The following RSF1 variants were observed in gnomAD, a reference collection of about 807,000 sequenced individuals.
RSF1 encodes the protein remodeling and spacing factor 1.
In RSF1, 13 loss-of-function variants were observed where a neutral mutation model predicts 145.2. That is an observed-to-expected ratio of 0.09 (90% CI 0.06 to 0.14). The LOEUF (loss-of-function observed/expected upper bound fraction) is 0.14. Ranked by LOEUF, RSF1 falls within the 10% of genes least tolerant of loss-of-function variation. RSF1 has a pLI of 1.00. For synonymous variants in RSF1, 577 were observed against 592.6 expected (o/e 0.97, Z 0.38); for missense variants, 1,517 against 1,718.2 (o/e 0.88, Z 2.07).
At chr11:77,698,718 G>A in intron 6 of RSF1, 25 bp from the exon 7 acceptor site, 5 of 1,574,212 alleles carry the variant, frequency 3.2e-6, no homozygotes, top group Non-Finnish European at 3.5e-6. Context: ...AAAAAATTGG[G>A]ATAATTTGAT....
chr11:77,798,371 C>T (rs12420092), intron 1 of RSF1, among the ~76,000 whole-genome samples: 26,773 of 151,282 alleles, frequency 0.18, 2,957 homozygotes, highest in African/African-American at 0.29. Context: ...GATCAACTGA[C>T]GTCAGGAGCT....
chr11:77,718,320 A>G (rs1960865146), intron 5 of RSF1: 1 of 152,196 alleles, frequency 6.6e-6, no homozygotes, highest in Non-Finnish European at 1.5e-5. Context: ...AAAAAAAGAA[A>G]AAAAAACAGT....
At chr11:77,733,136 A>C (rs564895890) in intron 4 of RSF1, among the ~76,000 whole-genome samples, 2 of 152,326 alleles carry the variant, frequency 1.3e-5, no homozygotes, top group South Asian at 4.1e-4. Flanking sequence ...TTAACATTTG[A>C]AGAAACTGCA....
chr11:77,860,400 A>C, the RSF1 span, among the ~76,000 whole-genome samples: 1 of 152,240 alleles, frequency 6.6e-6, no homozygotes, highest in Admixed American at 6.5e-5. Flanking sequence ...TGGGCTGGGT[A>C]CATTCCTCAC....
At chr11:77,719,025 T>C (rs954865030) in intron 5 of RSF1, among the ~76,000 whole-genome samples, 6 of 152,054 alleles carry the variant, frequency 3.9e-5, no homozygotes, top group African/African-American at 1.2e-4. Context: ...GGGGGGAGGA[T>C]TGCCTGAGGC....
intron 4 of RSF1, among the ~76,000 whole-genome samples, chr11:77,737,115 C>T (rs1961372722): frequency 6.6e-6 from 1 of 152,068 alleles, no homozygotes; most frequent in Non-Finnish European, 1.5e-5. Context: ...TAAAAATAAC[C>T]TGGCACCATT....
chr11:77,857,610 C>T, the RSF1 span, among the ~76,000 whole-genome samples: 1 of 151,108 alleles, frequency 6.6e-6, no homozygotes, highest in Non-Finnish European at 1.5e-5. Context: ...TTTAAGTTCT[C>T]GGATACATGT....
At chr11:77,683,969 G>A in intron 10 of RSF1, 150 bp from the exon 11 acceptor site, 2 of 580,942 alleles carry the variant, frequency 3.4e-6, no homozygotes, top group Non-Finnish European at 6.1e-6. Flanking sequence ...AATAAACATG[G>A]CAACACTGAG....
chr11:77,691,002 T>G, intron 9 of RSF1, 157 bp downstream of exon 9: 1 of 571,482 alleles, frequency 1.7e-6, no homozygotes. Context: ...AAAAACATTC[T>G]TAGTTAGCAG....
intron 7 of RSF1, among the ~76,000 whole-genome samples, chr11:77,694,474 G>C (rs1960235485): frequency 6.6e-6 from 1 of 152,134 alleles, no homozygotes. Flanking sequence ...ATCGGTATTT[G>C]AGTTTAAGAG....
intron 8 of RSF1, among the ~76,000 whole-genome samples, chr11:77,692,526 G>A (rs1487518583): frequency 3.4e-4 from 35 of 102,896 alleles, no homozygotes; most frequent in African/African-American, 1.6e-3. Flanking sequence ...TTACAGGCGT[G>A]AGCCACCGCG....
In RSF1 at chr11:77,702,379, T is replaced by G; in HGVS notation, c.850A>C (p.Lys284Gln). ...ATGACTGGCAGTTTCACAAGTTCCTTTTCATCTTCTTTTTCTTTTTTCACA... is the reference window on the plus strand; with the variant it reads ...ATGACTGGCAGTTTCACAAGTTCCTGTTCATCTTCTTTTTCTTTTTTCACA... ...TTVKKEKEDE[K>Q]ELVKLPVIVK... Residue 284 changes from lysine to glutamine, a missense_variant, in exon 6 of 16, where the codon AAG (lysine) becomes CAG (glutamine). Around this residue, in one of 12 missense-constraint regions of RSF1, gnomAD observed 207 missense variants for 191.4 expected, o/e 1.08. Transcript: ENST00000308488. The G allele has an allele frequency of 6.2e-7, 1 of 1,610,260 alleles. No individual in the cohort carries two copies. Among genetic ancestry groups the G allele is most frequent in the Non-Finnish European group, 8.5e-7 (1 of 1,179,206 alleles).
intron 1 of RSF1, among the ~76,000 whole-genome samples, chr11:77,806,927 T>C (rs75713100): frequency 1.3e-5 from 2 of 152,148 alleles, no homozygotes; most frequent in East Asian, 1.9e-4. Flanking sequence ...ACATGACACA[T>C]TCATTCAGCT....
chr11:77,869,832 G>T, the RSF1 span: 1 of 1,610,610 alleles, frequency 6.2e-7, no homozygotes, highest in Non-Finnish European at 8.5e-7. Context: ...GTGTTGGTAT[G>T]CACAGCATTC....
intron 1 of RSF1, among the ~76,000 whole-genome samples, chr11:77,798,179 A>G (rs1157435963): frequency 1.3e-5 from 2 of 152,202 alleles, no homozygotes; most frequent in African/African-American, 2.4e-5. Context: ...AAGGATTATA[A>G]ATCATTCTAC....
rs370846413 is a variant in RSF1, at chr11:77,792,231, C to T, written c.188-27542G>A. On this transcript the variant is annotated intron_variant, in intron 1 of 15. Coordinates refer to ENST00000308488, the MANE Select transcript of RSF1 (RefSeq NM_016578.4). ...ATCTCATGAGACTTACTCATTATCACGAGGACAGCACCAGAAAGACCTGCC... is the reference window on the plus strand; with the variant it reads ...ATCTCATGAGACTTACTCATTATCATGAGGACAGCACCAGAAAGACCTGCC... 6.6e-5 allele frequency among the ~76,000 whole-genome samples: 10 copies of T among 152,226 alleles called. No individual in the cohort carries two copies. In the South Asian group the frequency reaches 1.5e-3, roughly 22 times the overall value.
chr11:77,820,457 C>T, intron 1 of RSF1, 71 bp downstream of exon 1: 4 of 1,451,974 alleles, frequency 2.8e-6, no homozygotes, highest in Non-Finnish European at 3.7e-6. Context: ...AGAACCGGGG[C>T]GCCTGTGAAG....
In RSF1 at chr11:77,665,987, T is replaced by A. The variant is rs1959353804; in HGVS notation, c.*930A>T. The A allele has an allele frequency of 6.6e-6, 1 of 152,206 alleles. No homozygotes were observed. The highest frequency in any genetic ancestry group is 1.5e-5 in the Non-Finnish European group (1 of 68,040). 9.4% of individuals were successfully genotyped at this position (152,206 alleles called of 1,614,324 possible). On this transcript the variant is annotated 3_prime_UTR_variant, in exon 16 of 16. Coordinates refer to ENST00000308488, the MANE Select transcript of RSF1 (RefSeq NM_016578.4). ...ATGTATGTTATATATAGATGTATTTTTTTCAAAATGATATTTCAGATATTT... is the reference window on the plus strand; with the variant it reads ...ATGTATGTTATATATAGATGTATTTATTTCAAAATGATATTTCAGATATTT...
At chr11:77,793,783 G>A (rs1948544751) in intron 1 of RSF1, among the ~76,000 whole-genome samples, 1 of 152,264 alleles carries the variant, frequency 6.6e-6, no homozygotes, top group Non-Finnish European at 1.5e-5. Context: ...GCACTTGGTC[G>A]AAGAAGACAA....
Sources: gnomAD v4.1 joint callset for allele counts (sites outside exome capture counted in the v4.1 genomes callset) on GRCh38, gnomAD v4.1.1 for gene constraint, gnomAD v4.1.1 regional missense constraint, MANE v1.5 for transcripts, NCBI Gene and HGNC (gene_info 2026-07-23, HGNC 2026-07-21) for gene names.